Variants in CCDC171 observed in about 807,000 individuals in gnomAD.
CCDC171 encodes the protein coiled-coil domain containing 171.
A neutral mutation model predicts 168.2 loss-of-function variants in CCDC171; 177 were observed. The ratio of observed to expected loss-of-function variants is 1.05; its 90% confidence interval spans 0.93 to 1.19. The LOEUF is 1.19. Among genes scored for constraint, CCDC171 ranks in the 50% most tolerant of loss-of-function variants. The pLI is 0.00. For missense variants in CCDC171, 1,991 were observed against 1,539.0 expected, an observed-to-expected ratio of 1.29 and a Z score of -4.91; for synonymous variants, 687 against 540.8, an observed-to-expected ratio of 1.27 and a Z score of -3.75.
intron 24 of CCDC171, among the ~76,000 whole-genome samples, chr9:15,898,372 C>A (rs1038368349): frequency 6.6e-6 from 1 of 152,106 alleles, no homozygotes; most frequent in Non-Finnish European, 1.5e-5. Context: ...TCTTTTGAGG[C>A]AACAGGCTGC....
chr9:15,775,900 G>A (rs2057298587), intron 18 of CCDC171, among the ~76,000 whole-genome samples: 2 of 152,100 alleles, frequency 1.3e-5, no homozygotes, highest in Admixed American at 1.3e-4. Context: ...AAAAGAGTTT[G>A]TTAAGATGAA....
At position 15,724,917 on chromosome 9, in the gene CCDC171, G is replaced by A. The variant is rs1365125881; in HGVS notation, c.1633G>A (p.Ala545Thr). The change falls in exon 14 of 26, where the codon GCA becomes ACA. Residue 545 changes from alanine to threonine, a missense_variant. By Grantham distance (58) the Ala-to-Thr change is moderately conservative. Coordinates refer to ENST00000380701, the MANE Select transcript of CCDC171 (RefSeq NM_173550.4). ...LHCWEKEKAQAAQSESELQKL... is the reference protein window; with the variant it reads ...LHCWEKEKAQTAQSESELQKL... ...CTGTTGGGAGAAAGAAAAGGCTCAG[G>A]CAGCCCAGTCTGAAAGTGAACTGCA... 1 of 1,613,974 alleles carries A rather than the reference G, an allele frequency of 6.2e-7. No individual in the cohort carries two copies. The highest frequency in any genetic ancestry group is 1.7e-5 in the Admixed American group (1 of 60,004).
rs184704856 is a variant in CCDC171 at position 15,946,902 on chromosome 9, G to A, written c.3754-24707G>A. 3.3e-5 allele frequency among the ~76,000 whole-genome samples: 5 copies of A among 152,028 alleles called. 1 individual carries two copies. In the East Asian group the frequency reaches 9.8e-4, roughly 30 times the overall value. On this transcript the variant is annotated intron_variant, in intron 25 of 25. Transcript: ENST00000380701. Reference sequence around the variant, plus strand: ...GTTAAATGCTTGACTTATTGATGACGGGGAGATAGCACTTTTATATATAAA... The same window carrying A: ...GTTAAATGCTTGACTTATTGATGACAGGGAGATAGCACTTTTATATATAAA...
At chr9:15,573,715 G>C (rs895215828) in intron 3 of CCDC171, among the ~76,000 whole-genome samples, 1 of 152,054 alleles carries the variant, frequency 6.6e-6, no homozygotes, top group Non-Finnish European at 1.5e-5. Flanking sequence ...AAAACCAAAT[G>C]CACATTTTAC....
chr9:15,823,930 G>C (rs6474976), intron 21 of CCDC171, among the ~76,000 whole-genome samples: 141,200 of 152,176 alleles, frequency 0.93, 65,633 homozygotes, highest in East Asian at 0.98. Flanking sequence ...ATAGACATTG[G>C]TAGACTTGAA....
rs144491191 is a variant in CCDC171, at chr9:15,781,153, A to T, written c.3081+2003A>T. Among the ~76,000 whole-genome samples the T allele has an allele frequency of 1.8e-4, 28 of 152,332 alleles. No homozygotes were observed. In the East Asian group the frequency reaches 5.4e-3, roughly 29 times the overall value. Reference sequence around the variant, plus strand: ...CCTGGAATATATACGAAGAATTCTAAATATTCTACACAATTTGATTTCCTA... The same window carrying T: ...CCTGGAATATATACGAAGAATTCTATATATTCTACACAATTTGATTTCCTA... On this transcript the variant is annotated intron_variant, in intron 20 of 25. Coordinates refer to ENST00000380701, the MANE Select transcript of CCDC171 (RefSeq NM_173550.4).
intron 4 of CCDC171, chr9:15,588,699 ACTT>A: frequency 8.2e-6 from 1 of 122,186 alleles, no homozygotes; most frequent in South Asian, 2.4e-4. Flanking sequence ...GAAGATGCAG[ACTT>A]TTTTTTTTTT....
At chr9:15,756,005 A>G (rs539762595) in intron 18 of CCDC171, among the ~76,000 whole-genome samples, 1 of 152,302 alleles carries the variant, frequency 6.6e-6, no homozygotes, top group Non-Finnish European at 1.5e-5. Context: ...GTGGCTGCTG[A>G]ATATATTCCT....
chr9:15,843,834 T>C (rs1001345605), intron 21 of CCDC171, among the ~76,000 whole-genome samples: 1 of 152,104 alleles, frequency 6.6e-6, no homozygotes, highest in African/African-American at 2.4e-5. Flanking sequence ...ATAGGTTTTC[T>C]CATGAGCAGA....
intron 18 of CCDC171, among the ~76,000 whole-genome samples, chr9:15,758,280 A>G (rs755449187): frequency 1.3e-4 from 20 of 152,322 alleles, no homozygotes; most frequent in Admixed American, 4.6e-4. Flanking sequence ...TGACCTGGAT[A>G]TGAGACCTGG....
chr9:15,811,270 A>C (rs2059344645), intron 21 of CCDC171, among the ~76,000 whole-genome samples: 1 of 152,226 alleles, frequency 6.6e-6, no homozygotes, highest in East Asian at 1.9e-4. Context: ...AACAACCCTT[A>C]TGTCAGTGAA....
intron 6 of CCDC171, among the ~76,000 whole-genome samples, chr9:15,616,140 C>A (rs1240485158): frequency 6.6e-6 from 1 of 151,970 alleles, no homozygotes; most frequent in Non-Finnish European, 1.5e-5. Flanking sequence ...TTAGTAGAGA[C>A]AAGTTTCCAC....
chr9:15,637,625 C>T (rs1242758940), intron 7 of CCDC171, among the ~76,000 whole-genome samples: 2 of 114,078 alleles, frequency 1.8e-5, no homozygotes, highest in Non-Finnish European at 3.5e-5. Flanking sequence ...CCCCCTCCCC[C>T]CACCCCACAA....
chr9:15,745,139 T>C (rs1199366288), intron 17 of CCDC171, among the ~76,000 whole-genome samples: 1 of 152,210 alleles, frequency 6.6e-6, no homozygotes, highest in Admixed American at 6.5e-5. Context: ...TTTCAGTTTC[T>C]ATGAATAAGT....
chr9:15,924,128 A>G (rs922427910), intron 25 of CCDC171, among the ~76,000 whole-genome samples: 6 of 151,550 alleles, frequency 4.0e-5, no homozygotes, highest in Non-Finnish European at 7.4e-5. Context: ...AATCTTCTAA[A>G]GAAGCTCCAA....
chr9:15,883,895 T>C (rs561243881), intron 24 of CCDC171, among the ~76,000 whole-genome samples: 2 of 152,186 alleles, frequency 1.3e-5, no homozygotes, highest in Non-Finnish European at 2.9e-5. Flanking sequence ...AATAAAATCA[T>C]AGCAGAATCA....
chr9:15,781,121 G>T (rs1403001337), intron 20 of CCDC171, among the ~76,000 whole-genome samples: 1 of 152,136 alleles, frequency 6.6e-6, no homozygotes, highest in Admixed American at 6.5e-5. Context: ...CCTTACATAT[G>T]TTGCTCCCTG....
intron 25 of CCDC171, among the ~76,000 whole-genome samples, chr9:15,963,388 G>A (rs770141419): frequency 1.3e-4 from 19 of 151,986 alleles, no homozygotes; most frequent in Non-Finnish European, 2.2e-4. Context: ...ATCTAAAAAT[G>A]CTTCAGTGAA....
chr9:16,016,654 A>G (rs1219727174), intron 3 of CCDC171, among the ~76,000 whole-genome samples: 1 of 152,148 alleles, frequency 6.6e-6, no homozygotes. Context: ...AAGAAGCAGC[A>G]TGTGTTGCTG....
Sources: allele counts gnomAD v4.1 joint callset (sites outside exome capture counted in the v4.1 genomes callset), GRCh38; gene constraint gnomAD v4.1.1; transcripts MANE v1.5; gene names NCBI Gene and HGNC (gene_info 2026-07-23, HGNC 2026-07-21).